The following GABRR2 variants were observed in gnomAD, a reference collection of about 807,000 sequenced individuals.
The protein encoded by GABRR2 is gamma-aminobutyric acid receptor subunit rho-2.
GABRR2 carries 36 observed loss-of-function variants against 47.0 expected under a neutral mutation model. The observed-to-expected ratio is 0.77, with a 90% confidence interval of 0.59 to 1.01. The LOEUF (loss-of-function observed/expected upper bound fraction) is 1.01, where lower values mean the gene tolerates loss of function less well. Among genes scored for constraint, GABRR2 ranks in the 50% least tolerant of loss-of-function variants. The pLI is 0.00. For missense variants in GABRR2, 587 were observed against 594.6 expected, an observed-to-expected ratio of 0.99 and a Z score of 0.13; for synonymous variants, 204 against 227.5, an observed-to-expected ratio of 0.90 and a Z score of 0.93.
At position 89,257,681 on chromosome 6, in the gene GABRR2, C is replaced by T. The variant is rs766472572; in HGVS notation, c.1387G>A (p.Val463Met). ...YIFFNLIYWSVFS is the reference protein window; with the variant it reads ...YIFFNLIYWSMFS ...CAGCCTTGGAGCCCCTAGGAAAACA[C>T]TGACCAATAAATTAAGTTGAAAAAT... Residue 463 changes from valine to methionine, a missense_variant, in exon 9 of 9, where the codon GTG becomes ATG. Coordinates refer to ENST00000402938, the MANE Select transcript of GABRR2 (RefSeq NM_002043.5). 1.9e-6 allele frequency: 3 copies of T among 1,611,992 alleles called. No individual in the cohort carries two copies. Among genetic ancestry groups the T allele is most frequent in the Non-Finnish European group, 2.5e-6 (3 of 1,178,902 alleles).
intron 2 of GABRR2, among the ~76,000 whole-genome samples, chr6:89,278,588 C>T (rs11759189): frequency 0.1 from 15,780 of 152,274 alleles, 1,054 homozygotes; most frequent in Non-Finnish European, 0.15. Flanking sequence ...TAAACTCTAC[C>T]TTTCTTCTAG....
intron 1 of GABRR2, among the ~76,000 whole-genome samples, chr6:89,313,319 G>T (rs1471085961): frequency 6.6e-6 from 1 of 152,270 alleles, no homozygotes; most frequent in South Asian, 2.1e-4. Context: ...CTCTCTTCAA[G>T]ATTCTCACAG....
intron 2 of GABRR2, among the ~76,000 whole-genome samples, chr6:89,280,481 A>G (rs1207558847): frequency 6.6e-6 from 1 of 151,646 alleles, no homozygotes; most frequent in Non-Finnish European, 1.5e-5. Context: ...TGAGGGTCAC[A>G]CTCTGCAAAT....
intron 1 of GABRR2, chr6:89,302,495 G>A (rs1767472956): frequency 1.0e-5 from 7 of 700,370 alleles, no homozygotes; most frequent in Non-Finnish European, 1.5e-5. Flanking sequence ...ACCTCCTTGT[G>A]CTTCCCGGGC....
rs201122492 is a variant in GABRR2, at chr6:89,311,544, T to A, written c.113+3509A>T. Among the ~76,000 whole-genome samples, 10 of 152,242 alleles carry A rather than the reference T, an allele frequency of 6.6e-5. No homozygotes were observed. In the East Asian group the frequency reaches 1.7e-3, roughly 26 times the overall value. On this transcript the variant is annotated intron_variant, in intron 1 of 8. Transcript: ENST00000402938. ...TCCTTCCTGAGCCCCCACCCACCCA[T>A]GGCAGGGCAGCCAGGACCTTCATGG...
chr6:89,259,190 G>A (rs1025110377), intron 8 of GABRR2, among the ~76,000 whole-genome samples: 2 of 152,028 alleles, frequency 1.3e-5, no homozygotes, highest in Non-Finnish European at 2.9e-5. Flanking sequence ...TCCAATTGGC[G>A]TTGATTTGAA....
intron 2 of GABRR2, among the ~76,000 whole-genome samples, chr6:89,293,973 C>T (rs1774511833): frequency 6.6e-6 from 1 of 152,164 alleles, no homozygotes; most frequent in East Asian, 1.9e-4. Context: ...GATTTTTAAT[C>T]TTTTCTCTTT....
chr6:89,310,014 G>C (rs1251332549), intron 1 of GABRR2, among the ~76,000 whole-genome samples: 1 of 132,046 alleles, frequency 7.6e-6, no homozygotes, highest in Admixed American at 8.6e-5. Flanking sequence ...AGATCTTCTT[G>C]CTGCAGCCTC....
chr6:89,305,801 G>A (rs1388493221), intron 1 of GABRR2, among the ~76,000 whole-genome samples: 1 of 152,180 alleles, frequency 6.6e-6, no homozygotes, highest in African/African-American at 2.4e-5. Flanking sequence ...CTACTTGAGT[G>A]TGGAGGGTGG....
chr6:89,254,935 A>T lies in GABRR2; in HGVS notation c.*2735T>A, dbSNP rs547136058. ...CTGCTATAGAATTAACTCCAGTTTA[A>T]CATAGAAGCTAGCAAAAATAAATAT... On this transcript the variant is annotated 3_prime_UTR_variant, in exon 9 of 9. Coordinates refer to ENST00000402938, the MANE Select transcript of GABRR2 (RefSeq NM_002043.5). Among the ~76,000 whole-genome samples the T allele has an allele frequency of 1.1e-4, 17 of 152,370 alleles. No homozygotes were observed. The highest frequency in any genetic ancestry group is 3.8e-4 in the African/African-American group (16 of 41,580).
At chr6:89,285,312 C>T (rs989139185) in intron 2 of GABRR2, among the ~76,000 whole-genome samples, 5 of 152,250 alleles carry the variant, frequency 3.3e-5, no homozygotes, top group Non-Finnish European at 7.3e-5. Context: ...ATGTTCCTTT[C>T]CTCAAGGGCT....
chr6:89,292,349 TA>T (rs1774458220), intron 2 of GABRR2, among the ~76,000 whole-genome samples: 1 of 7,668 alleles, frequency 1.3e-4, no homozygotes, highest in Non-Finnish European at 1.7e-4. Context: ...AAAAATTTTA[TA>T]TATATATATA....
At chr6:89,306,042 A>C (rs947793376) in intron 1 of GABRR2, among the ~76,000 whole-genome samples, 2 of 151,558 alleles carry the variant, frequency 1.3e-5, no homozygotes, top group Admixed American at 6.6e-5. Context: ...AAAGAAAAAG[A>C]AAATGATTGT....
At chr6:89,302,016 G>A (rs1767450897) in intron 1 of GABRR2, 10 of 690,754 alleles carry the variant, frequency 1.4e-5, no homozygotes, top group Non-Finnish European at 2.6e-5. Flanking sequence ...GTCGGCTCGG[G>A]GCCTTTTGGA....
At position 89,265,769 on chromosome 6, in the gene GABRR2, G is replaced by A. The variant is rs1773879948; in HGVS notation, c.737-4C>T. ...ATGTACAGACGGTTGTACCAGCCTA[G>A]GGGATGCAGGAAGAAGCCAATGAGG... On this transcript the variant is annotated splice_region_variant and splice_polypyrimidine_tract_variant and intron_variant, in intron 6 of 8. Coordinates refer to ENST00000402938, the MANE Select transcript of GABRR2 (RefSeq NM_002043.5). 6.2e-7 allele frequency: 1 copy of A among 1,613,574 alleles called. No homozygotes were observed. The highest frequency in any genetic ancestry group is 8.5e-7 in the Non-Finnish European group (1 of 1,179,820).
intron 2 of GABRR2, among the ~76,000 whole-genome samples, chr6:89,279,223 T>C (rs528743229): frequency 2.0e-4 from 30 of 151,554 alleles, no homozygotes; most frequent in African/African-American, 6.4e-4. Context: ...ACAGTTTGCT[T>C]GTGTTTGTGC....
At chr6:89,277,868 T>TGGGGGGGGGGGGGGGGGGGGGGGGGGG (rs141786803) in intron 2 of GABRR2, among the ~76,000 whole-genome samples, 1 of 84,402 alleles carries the variant, frequency 1.2e-5, no homozygotes, top group Non-Finnish European at 2.4e-5. Context: ...TGGGCGGGGG[T>TGGGGGGGGGGGGGGGGGGGGGGGGGGG]GGGGGGGGGT....
intron 1 of GABRR2, among the ~76,000 whole-genome samples, chr6:89,305,167 C>A (rs896863119): frequency 5.3e-5 from 8 of 151,596 alleles, no homozygotes; most frequent in African/African-American, 1.9e-4. Flanking sequence ...CCAGGCTGGC[C>A]AACATGGCAA....
rs560727156 is a variant in GABRR2, at chr6:89,312,906, C to G, written c.113+2147G>C. 2.2e-4 allele frequency among the ~76,000 whole-genome samples: 33 copies of G among 152,334 alleles called. 1 individual carries two copies. In the South Asian group the frequency reaches 6.2e-3, roughly 29 times the overall value. On this transcript the variant is annotated intron_variant, in intron 1 of 8. Transcript: ENST00000402938. ...GGATTTCAACAAAGTCTCCTCCCCACTAAGAGTCAGAGCCCAGCTGTGCCC... is the reference window on the plus strand; with the variant it reads ...GGATTTCAACAAAGTCTCCTCCCCAGTAAGAGTCAGAGCCCAGCTGTGCCC...
Sources: gnomAD v4.1 joint callset for allele counts (sites outside exome capture counted in the v4.1 genomes callset) on GRCh38, gnomAD v4.1.1 for gene constraint, MANE v1.5 for transcripts, NCBI Gene and HGNC (gene_info 2026-07-23, HGNC 2026-07-21) for gene names.